The following CSMD3 variants were observed in gnomAD, a reference collection of about 807,000 sequenced individuals.
CSMD3 encodes CUB and Sushi multiple domains 3.
A neutral mutation model predicts 435.2 loss-of-function variants in CSMD3; 177 were observed. That is an observed-to-expected ratio of 0.41 (90% CI 0.36 to 0.46). The LOEUF is 0.46. CSMD3 is among the 20% of genes least tolerant of loss of function. The probability of loss-of-function intolerance (pLI) is 0.34; values close to 1 mark genes in which losing one functional copy is unlikely to be tolerated. For missense variants in CSMD3, 4,265 were observed against 4,504.6 expected, an observed-to-expected ratio of 0.95 and a Z score of 1.52; for synonymous variants, 1,656 against 1,520.5, an observed-to-expected ratio of 1.09 and a Z score of -2.07.
intron 3 of CSMD3, among the ~76,000 whole-genome samples, chr8:113,199,792 C>G (rs1422856063): frequency 6.6e-6 from 1 of 151,550 alleles, no homozygotes; most frequent in Non-Finnish European, 1.5e-5. Flanking sequence ...CCATAGCTAT[C>G]CAAAGTTCTT....
chr8:112,361,598 TA>T (rs1563841135), intron 38 of CSMD3, among the ~76,000 whole-genome samples: 16 of 131,526 alleles, frequency 1.2e-4, no homozygotes, highest in African/African-American at 4.3e-4. Flanking sequence ...TATATATATA[TA>T]TATATATATA....
At chr8:112,424,427 C>G (rs1461710720) in intron 32 of CSMD3, among the ~76,000 whole-genome samples, 2 of 152,110 alleles carry the variant, frequency 1.3e-5, no homozygotes, top group Non-Finnish European at 2.9e-5. Flanking sequence ...ATGTGACTTA[C>G]TTTGTATTAT....
At chr8:112,373,020 A>ATT (rs1445750683) in intron 38 of CSMD3, among the ~76,000 whole-genome samples, 2 of 108,390 alleles carry the variant, frequency 1.8e-5, no homozygotes, top group African/African-American at 6.3e-5. Flanking sequence ...ATATATATAT[A>ATT]TATTTTTTTT....
chr8:112,704,945 T>A (rs904524628), intron 13 of CSMD3, among the ~76,000 whole-genome samples: 1 of 152,090 alleles, frequency 6.6e-6, no homozygotes, highest in African/African-American at 2.4e-5. Context: ...ATAGTGGGAA[T>A]GAATTTAAAA....
At chr8:112,946,222 T>A (rs1489895641) in intron 9 of CSMD3, among the ~76,000 whole-genome samples, 1 of 151,834 alleles carries the variant, frequency 6.6e-6, no homozygotes, top group African/African-American at 2.4e-5. Context: ...AATAGAGTAC[T>A]TAATTTGTCA....
chr8:113,334,281 T>TG (rs1334766548), intron 1 of CSMD3, among the ~76,000 whole-genome samples: 6 of 91,324 alleles, frequency 6.6e-5, no homozygotes, highest in Middle Eastern at 4.9e-3. Context: ...GTTTAAGTTT[T>TG]TTTTTTTTTT....
intron 10 of CSMD3, among the ~76,000 whole-genome samples, chr8:112,908,581 T>C (rs973830263): frequency 7.3e-5 from 11 of 151,546 alleles, no homozygotes; most frequent in Non-Finnish European, 1.3e-4. Flanking sequence ...TCAGACAATT[T>C]TGCCTTAATG....
At chr8:113,059,587 C>A (rs2088510749) in intron 5 of CSMD3, among the ~76,000 whole-genome samples, 2 of 152,134 alleles carry the variant, frequency 1.3e-5, no homozygotes, top group East Asian at 1.9e-4. Context: ...TTAAAATTGA[C>A]ATATTTCTTC....
chr8:112,234,506 C>G, intron 67 of CSMD3, 29 bp from the exon 68 acceptor site: 1 of 1,212,616 alleles, frequency 8.2e-7, no homozygotes, highest in East Asian at 2.3e-5. Context: ...TTTTAGTCTA[C>G]TTAACTTTGT....
intron 22 of CSMD3, among the ~76,000 whole-genome samples, chr8:112,611,401 T>A (rs1833249132): frequency 6.6e-6 from 1 of 152,192 alleles, no homozygotes; most frequent in South Asian, 2.1e-4. Flanking sequence ...ACCACTTTAA[T>A]TTTACTAGTG....
intron 1 of CSMD3, among the ~76,000 whole-genome samples, chr8:113,333,232 T>C (rs979580506): frequency 1.3e-5 from 2 of 151,802 alleles, no homozygotes; most frequent in Non-Finnish European, 3.0e-5. Context: ...CAATAGCTGT[T>C]CTTTTCATAT....
chr8:112,405,246 T>TATATATATATATACAC (rs1199452249), intron 35 of CSMD3, among the ~76,000 whole-genome samples: 1 of 81,532 alleles, frequency 1.2e-5, no homozygotes, highest in African/African-American at 5.3e-5. Context: ...TATATATATA[T>TATATATATATATACAC]ACATATATAT....
chr8:113,154,979 T>G (rs2131807853), intron 4 of CSMD3, among the ~76,000 whole-genome samples: 1 of 152,134 alleles, frequency 6.6e-6, no homozygotes. Context: ...TGCATTTTCT[T>G]TCCTTTTAAT....
chr8:113,403,452 C>T (rs1372868294), intron 1 of CSMD3, among the ~76,000 whole-genome samples: 2 of 151,158 alleles, frequency 1.3e-5, no homozygotes, highest in African/African-American at 4.8e-5. Flanking sequence ...TGTTAAAATG[C>T]AGAAATTTTG....
chr8:112,292,519 A>T lies in CSMD3; in HGVS notation c.8788+18T>A, dbSNP rs1819866325. The T allele has an allele frequency of 1.2e-6, 2 of 1,611,844 alleles. No individual in the cohort carries two copies. Among genetic ancestry groups the T allele is most frequent in the South Asian group, 2.2e-5 (2 of 91,040 alleles). On this transcript the variant is annotated intron_variant, in intron 55 of 70. Transcript: ENST00000297405. Reference sequence around the variant, plus strand: ...ATTATTATCATGCCACCAAATGGGAATATACTTAGACATTTACCTTTGCAC... The same window carrying T: ...ATTATTATCATGCCACCAAATGGGATTATACTTAGACATTTACCTTTGCAC...
chr8:112,519,931 T>C (rs1824099010), intron 27 of CSMD3, among the ~76,000 whole-genome samples: 1 of 152,158 alleles, frequency 6.6e-6, no homozygotes, highest in Non-Finnish European at 1.5e-5. Flanking sequence ...GTTATTTAAA[T>C]GGAAGTCTCT....
At chr8:113,084,147 A>C (rs913030944) in intron 5 of CSMD3, among the ~76,000 whole-genome samples, 1 of 152,182 alleles carries the variant, frequency 6.6e-6, no homozygotes, top group African/African-American at 2.4e-5. Context: ...CATCCAAATT[A>C]CAAAAGAGAA....
intron 13 of CSMD3, among the ~76,000 whole-genome samples, chr8:112,731,730 C>A (rs917307295): frequency 1.3e-5 from 2 of 151,964 alleles, no homozygotes; most frequent in East Asian, 3.9e-4. Context: ...GAAAAATATA[C>A]CCTTTTTACT....
At chr8:113,183,338 A>G (rs1399228193) in intron 3 of CSMD3, among the ~76,000 whole-genome samples, 1 of 152,022 alleles carries the variant, frequency 6.6e-6, no homozygotes, top group African/African-American at 2.4e-5. Context: ...TATTTGGCTA[A>G]AACCACCCCT....
Sources: gnomAD v4.1 joint callset for allele counts (sites outside exome capture counted in the v4.1 genomes callset) on GRCh38, gnomAD v4.1.1 for gene constraint, MANE v1.5 for transcripts, NCBI Gene and HGNC (gene_info 2026-07-23, HGNC 2026-07-21) for gene names.